GALNT1: variants seen among roughly 807,000 people sequenced by gnomAD.
GALNT1 encodes the protein polypeptide N-acetylgalactosaminyltransferase 1, also known as GalNAc transferase 1.
Under a neutral mutation model 65.7 loss-of-function variants are expected in GALNT1, and 17 were observed. That is an observed-to-expected ratio of 0.26 (90% CI 0.18 to 0.39). The LOEUF is 0.39. Ranked by LOEUF, GALNT1 falls within the 10% of genes least tolerant of loss-of-function variation. The pLI, the probability that GALNT1 is intolerant of heterozygous loss-of-function variation, is 1.00. For missense variants in GALNT1, 460 were observed against 672.8 expected (o/e 0.68, Z 3.50); for synonymous variants, 210 against 219.7 (o/e 0.96, Z 0.39).
At chr18:35,694,708 A>G (rs914699723) in intron 9 of GALNT1, among the ~76,000 whole-genome samples, 9 of 152,248 alleles carry the variant, frequency 5.9e-5, no homozygotes, top group Admixed American at 4.6e-4. Flanking sequence ...CCCAGCTAGC[A>G]ATGCTTAGGC....
intron 1 of GALNT1, among the ~76,000 whole-genome samples, chr18:35,638,980 G>A (rs971798906): frequency 2.6e-5 from 4 of 152,208 alleles, no homozygotes; most frequent in African/African-American, 4.8e-5. Context: ...TCTTATGGAT[G>A]GGGAAAGAAA....
chr18:35,609,548 A>G (rs1238727107), intron 1 of GALNT1, among the ~76,000 whole-genome samples: 2 of 152,190 alleles, frequency 1.3e-5, no homozygotes, highest in African/African-American at 4.8e-5. Flanking sequence ...GCTATGCATG[A>G]TAGTTTACTT....
intron 1 of GALNT1, among the ~76,000 whole-genome samples, chr18:35,590,936 CAG>C (rs565168348): frequency 3.0e-4 from 45 of 152,252 alleles, no homozygotes; most frequent in Non-Finnish European, 5.7e-4. Flanking sequence ...TCTCAAGTAA[CAG>C]AACTGATATA....
At position 35,711,519 on chromosome 18, in the gene GALNT1, A is replaced by G. The variant is rs2048350055; in HGVS notation, c.*1749A>G. ...AAATTTGAAAGGAAGCAGGTGCTGAATGGAATTTTTTTCCTTTTCCATGAG... is the reference window on the plus strand; with the variant it reads ...AAATTTGAAAGGAAGCAGGTGCTGAGTGGAATTTTTTTCCTTTTCCATGAG... On this transcript the variant is annotated 3_prime_UTR_variant, in exon 12 of 12. Transcript: ENST00000269195. The G allele has an allele frequency of 6.6e-6, 1 of 152,402 alleles. No individual in the cohort carries two copies. The highest frequency in any genetic ancestry group is 1.5e-5 in the Non-Finnish European group (1 of 68,048). The allele number at this position is 152,402 out of a possible 1,614,324, so 9.4% of individuals were successfully genotyped here.
At chr18:35,582,483 C>T (rs1481420716) in intron 1 of GALNT1, among the ~76,000 whole-genome samples, 1 of 152,208 alleles carries the variant, frequency 6.6e-6, no homozygotes, top group Non-Finnish European at 1.5e-5. Context: ...CTTCTCTTAT[C>T]TGGTCAGCCT....
chr18:35,590,318 T>C (rs758408972), intron 1 of GALNT1, among the ~76,000 whole-genome samples: 20 of 152,182 alleles, frequency 1.3e-4, no homozygotes, highest in Non-Finnish European at 2.8e-4. Flanking sequence ...GAGACTCCTT[T>C]AAATCCTTCG....
At chr18:35,705,862 A>G (rs985317222) in intron 11 of GALNT1, among the ~76,000 whole-genome samples, 2 of 152,178 alleles carry the variant, frequency 1.3e-5, no homozygotes, top group East Asian at 1.9e-4. Flanking sequence ...CCTTGTGGCC[A>G]CAAGGTGGTT....
In GALNT1 at chr18:35,698,943, T is replaced by C. The variant is rs533780401; in HGVS notation, c.1300-3954T>C. On this transcript the variant is annotated intron_variant, in intron 9 of 11. Coordinates refer to ENST00000269195, the MANE Select transcript of GALNT1 (RefSeq NM_020474.4). ...GTTGCAGTGAGCCGATGTCGCACCA[T>C]TGCACTGCAGCCTGGGCGACAGAGT... 2.0e-5 allele frequency among the ~76,000 whole-genome samples: 3 copies of C among 152,120 alleles called. No individual in the cohort carries two copies. The East Asian group carries it at 5.8e-4, about 29-fold the overall frequency.
chr18:35,705,867 G>T (rs1475744315), intron 11 of GALNT1, among the ~76,000 whole-genome samples: 1 of 152,202 alleles, frequency 6.6e-6, no homozygotes, highest in Non-Finnish European at 1.5e-5. Flanking sequence ...TGGCCACAAG[G>T]TGGTTGCTGC....
intron 8 of GALNT1, 126 bp from the exon 9 acceptor site, chr18:35,692,055 T>C (rs2047972906): frequency 1.4e-6 from 1 of 733,642 alleles, no homozygotes; most frequent in Non-Finnish European, 2.2e-6. Context: ...TGTCTCCACT[T>C]GTATAGTCAC....
intron 1 of GALNT1, among the ~76,000 whole-genome samples, chr18:35,629,653 AT>A (rs139608405): frequency 0.1 from 15,632 of 152,246 alleles, 884 homozygotes; most frequent in Admixed American, 0.18. Flanking sequence ...AAGAAACTGC[AT>A]CAACTAACTA....
At chr18:35,596,136 A>G (rs879940674) in intron 1 of GALNT1, 1 of 152,214 alleles carries the variant, frequency 6.6e-6, no homozygotes, top group Non-Finnish European at 1.5e-5. Context: ...AGAACAAAGC[A>G]CAAAGAGGCT....
At chr18:35,622,711 C>G (rs577329434) in intron 1 of GALNT1, among the ~76,000 whole-genome samples, 1 of 152,188 alleles carries the variant, frequency 6.6e-6, no homozygotes, top group African/African-American at 2.4e-5. Context: ...GATTCTAAAT[C>G]TCTTTTTTTT....
rs115152617 is a variant in GALNT1 at position 35,670,094 on chromosome 18, A to T, written c.314+6292A>T. 6.7e-3 allele frequency among the ~76,000 whole-genome samples: 1,017 copies of T among 152,248 alleles called. 16 individuals carry two copies. The highest frequency in any genetic ancestry group is 0.023 in the African/African-American group (972 of 41,532). On this transcript the variant is annotated intron_variant, in intron 3 of 11. Transcript: ENST00000269195. The stretch of plus-strand genomic sequence containing the variant: ...TGCTTGAGTCCAGGAATTCAAGACC[A>T]GCCTGAGCAACATTGATGAGACCCC...
chr18:35,684,291 G>A (rs574687937), intron 5 of GALNT1, among the ~76,000 whole-genome samples: 2 of 152,220 alleles, frequency 1.3e-5, no homozygotes, highest in South Asian at 2.1e-4. Context: ...AGTGGAACAC[G>A]GTGGGAGCTA....
chr18:35,581,646 GTA>G (rs1421586993), upstream of GALNT1: 9 of 66 alleles, frequency 0.14, no homozygotes, highest in East Asian at 0.3. Flanking sequence ...GGCGCCCGGA[GTA>G]GCCGCCGACC....
chr18:35,606,734 G>A (rs911652131), intron 1 of GALNT1, among the ~76,000 whole-genome samples: 1 of 151,902 alleles, frequency 6.6e-6, no homozygotes, highest in Non-Finnish European at 1.5e-5. Context: ...TTTGATTTCA[G>A]TTGTGACATG....
At chr18:35,651,346 C>T (rs2047309127) in intron 1 of GALNT1, among the ~76,000 whole-genome samples, 1 of 152,078 alleles carries the variant, frequency 6.6e-6, no homozygotes, top group Non-Finnish European at 1.5e-5. Context: ...AAACTGCCAC[C>T]ACCCCTTTAC....
chr18:35,602,433 T>C (rs1365594062), intron 1 of GALNT1, among the ~76,000 whole-genome samples: 1 of 152,200 alleles, frequency 6.6e-6, no homozygotes, highest in African/African-American at 2.4e-5. Context: ...TTTCTGTTAT[T>C]TATTTGAATA....
Sources: allele counts gnomAD v4.1 joint callset (sites outside exome capture counted in the v4.1 genomes callset), GRCh38; gene constraint gnomAD v4.1.1; transcripts MANE v1.5; gene names NCBI Gene and HGNC (gene_info 2026-07-23, HGNC 2026-07-21).